The following FAM219A variants were observed in gnomAD, a reference collection of about 807,000 sequenced individuals.
FAM219A encodes the protein family with sequence similarity 219 member A, also known as protein FAM219A.
Under a neutral mutation model 23.4 loss-of-function variants are expected in FAM219A, and 7 were observed. The observed-to-expected ratio is 0.30, with a 90% CI of 0.17 to 0.56. The LOEUF (loss-of-function observed/expected upper bound fraction) is 0.56. Ranked by LOEUF, FAM219A falls within the 20% of genes least tolerant of loss-of-function variation. FAM219A has a pLI of 0.92. For missense variants in FAM219A, 166 were observed against 246.9 expected (o/e 0.67, Z 2.20); for synonymous variants, 93 against 99.0 (o/e 0.94, Z 0.36).
chr9:34,455,034 AAG>A (rs1322321099), intron 1 of FAM219A, among the ~76,000 whole-genome samples: 1 of 152,184 alleles, frequency 6.6e-6, no homozygotes, highest in Non-Finnish European at 1.5e-5. Flanking sequence ...GGATCACACT[AAG>A]AGAGTGAGCA....
chr9:34,450,662 C>T (rs894618163), intron 1 of FAM219A, among the ~76,000 whole-genome samples: 4 of 152,254 alleles, frequency 2.6e-5, no homozygotes, highest in South Asian at 4.1e-4. Flanking sequence ...GGTTATCCAC[C>T]GCCTCGGCCT....
chr9:34,425,317 C>T (rs113394676), intron 1 of FAM219A, among the ~76,000 whole-genome samples: 17,090 of 151,636 alleles, frequency 0.11, 1,113 homozygotes, highest in Non-Finnish European at 0.14. Flanking sequence ...CCGTCTCTAC[C>T]AAAAATACAA....
At chr9:34,427,367 C>A (rs969278677) in intron 1 of FAM219A, among the ~76,000 whole-genome samples, 2 of 151,872 alleles carry the variant, frequency 1.3e-5, no homozygotes, top group Non-Finnish European at 2.9e-5. Context: ...TTTTTGTTGA[C>A]ATGGAGTCTA....
chr9:34,404,890 GA>G (rs917630550), intron 2 of FAM219A, among the ~76,000 whole-genome samples: 11 of 150,822 alleles, frequency 7.3e-5, no homozygotes, highest in African/African-American at 2.2e-4. Context: ...AGCAAGGTAA[GA>G]AAAAAAAATA....
intron 1 of FAM219A, among the ~76,000 whole-genome samples, chr9:34,412,974 G>A (rs1047018367): frequency 6.6e-6 from 1 of 152,200 alleles, no homozygotes; most frequent in Non-Finnish European, 1.5e-5. Flanking sequence ...GGCAGCCAGA[G>A]AGAGCTTTAG....
chr9:34,421,135 T>C (rs1822267402), intron 1 of FAM219A, among the ~76,000 whole-genome samples: 1 of 150,054 alleles, frequency 6.7e-6, no homozygotes, highest in African/African-American at 2.5e-5. Flanking sequence ...AGCAGGGAGG[T>C]CAGGGCTGAG....
At chr9:34,442,522 T>C (rs1823215254) in intron 1 of FAM219A, among the ~76,000 whole-genome samples, 1 of 152,028 alleles carries the variant, frequency 6.6e-6, no homozygotes, top group Non-Finnish European at 1.5e-5. Context: ...CTGTCTCTAC[T>C]GAAAATATGA....
intron 1 of FAM219A, among the ~76,000 whole-genome samples, chr9:34,436,451 G>T (rs1249490244): frequency 3.3e-5 from 5 of 152,084 alleles, no homozygotes; most frequent in Non-Finnish European, 7.4e-5. Flanking sequence ...TTGCTTTGTT[G>T]CCCAGACTGG....
At chr9:34,438,462 T>TACACC (rs1463177420) in intron 1 of FAM219A, among the ~76,000 whole-genome samples, 1 of 152,154 alleles carries the variant, frequency 6.6e-6, no homozygotes, top group Non-Finnish European at 1.5e-5. Context: ...GGATTGTAAC[T>TACACC]ACACCAATCA....
At chr9:34,442,697 C>CA (rs1339306344) in intron 1 of FAM219A, among the ~76,000 whole-genome samples, 32 of 140,570 alleles carry the variant, frequency 2.3e-4, no homozygotes, top group Admixed American at 1.4e-3. Context: ...AAAAAAAAAA[C>CA]AAAAAAAAAG....
intron 1 of FAM219A, among the ~76,000 whole-genome samples, chr9:34,451,968 A>G (rs897729026): frequency 1.3e-5 from 2 of 152,184 alleles, no homozygotes; most frequent in African/African-American, 2.4e-5. Context: ...GCCCAGCTCA[A>G]TCAGTCAGAA....
chr9:34,419,201 TAAG>T (rs1400653476), intron 1 of FAM219A, among the ~76,000 whole-genome samples: 2 of 152,044 alleles, frequency 1.3e-5, no homozygotes, highest in African/African-American at 2.4e-5. Flanking sequence ...GGCAGCAAAA[TAAG>T]AAGGTGTGTG....
At chr9:34,453,951 G>A (rs1429503535) in intron 1 of FAM219A, among the ~76,000 whole-genome samples, 1 of 152,150 alleles carries the variant, frequency 6.6e-6, no homozygotes, top group Non-Finnish European at 1.5e-5. Context: ...GAGAGCCTTG[G>A]GCTGCTGGGA....
At chr9:34,419,491 T>C (rs765107425) in intron 1 of FAM219A, among the ~76,000 whole-genome samples, 6 of 152,102 alleles carry the variant, frequency 3.9e-5, no homozygotes, top group Non-Finnish European at 8.8e-5. Context: ...TTCTAGAATG[T>C]GGATTCCAGT....
rs1277980923 is a variant in FAM219A, at chr9:34,400,776, T to C, written c.*188A>G. On this transcript the variant is annotated 3_prime_UTR_variant, in exon 6 of 6. Transcript: ENST00000651358. ...GGTGGAGAGAGACCCAGTTTTGGTT[T>C]CTCCAGCTCCATGAACACACAGAGG... 36 of 557,114 alleles carry C rather than the reference T, an allele frequency of 6.5e-5. No homozygotes were observed. In the East Asian group the frequency reaches 8.9e-4, roughly 14 times the overall value. The allele number at this position is 557,114 out of a possible 1,614,324, so 34.5% of individuals were successfully genotyped here. A position where few individuals can be genotyped will look rare whatever the true frequency, so the allele number is the denominator to read the frequency against.
intron 1 of FAM219A, among the ~76,000 whole-genome samples, chr9:34,421,005 T>TGAGAGAGAGAGAGAGA (rs1413300702): frequency 5.1e-4 from 21 of 41,512 alleles, no homozygotes; most frequent in African/African-American, 7.5e-4. Flanking sequence ...TGTGTGTGTG[T>TGAGAGAGAGAGAGAGA]GTGTGAGAGA....
intron 2 of FAM219A, 43 bp from the exon 3 acceptor site, chr9:34,402,850 G>A (rs1333779823): frequency 6.3e-7 from 1 of 1,588,390 alleles, no homozygotes; most frequent in Admixed American, 1.7e-5. Context: ...TGCCCCTGAG[G>A]CCACCCTGTC....
intron 1 of FAM219A, among the ~76,000 whole-genome samples, chr9:34,430,022 G>A (rs1433682603): frequency 1.1e-4 from 16 of 152,154 alleles, no homozygotes; most frequent in Admixed American, 3.3e-4. Context: ...CCTGGCCAGG[G>A]ACAGCTTGGG....
chr9:34,434,471 C>A (rs948790354), intron 1 of FAM219A, among the ~76,000 whole-genome samples: 1 of 152,046 alleles, frequency 6.6e-6, no homozygotes, highest in Non-Finnish European at 1.5e-5. Context: ...CTCAATTTTA[C>A]AGAGAAAAAG....
Sources: gnomAD v4.1 joint callset for allele counts (sites outside exome capture counted in the v4.1 genomes callset) on GRCh38, gnomAD v4.1.1 for gene constraint, MANE v1.5 for transcripts, NCBI Gene and HGNC (gene_info 2026-07-23, HGNC 2026-07-21) for gene names.